Variants in MED13L observed in about 807,000 individuals in gnomAD.
MED13L encodes the protein mediator of RNA polymerase II transcription subunit 13-like.
Under a neutral mutation model 220.9 loss-of-function variants are expected in MED13L, and 7 were observed. The ratio of observed to expected loss-of-function variants is 0.03; its 90% CI spans 0.02 to 0.06. The LOEUF (loss-of-function observed/expected upper bound fraction) is 0.06. Ranked by LOEUF, MED13L falls within the 10% of genes least tolerant of loss-of-function variation. The probability of loss-of-function intolerance (pLI) is 1.00; values close to 1 mark genes in which losing one functional copy is unlikely to be tolerated. For missense variants in MED13L, 1,965 were observed against 2,760.5 expected (o/e 0.71, Z 6.46); for synonymous variants, 1,011 against 1,015.2 (o/e 1.00, Z 0.08).
chr12:116,241,988 C>A (rs1318542449), intron 1 of MED13L, among the ~76,000 whole-genome samples: 1 of 149,742 alleles, frequency 6.7e-6, no homozygotes, highest in African/African-American at 2.5e-5. Context: ...AGTAAAATGT[C>A]TTCATAGACC....
intron 2 of MED13L, among the ~76,000 whole-genome samples, chr12:116,119,600 T>C (rs1231035159): frequency 1.3e-5 from 2 of 151,764 alleles, no homozygotes; most frequent in Non-Finnish European, 2.9e-5. Context: ...CCTATCACTT[T>C]GGAAGATCAA....
At chr12:116,008,379 G>C (rs746471187) in intron 10 of MED13L, 22 bp downstream of exon 10, 1 of 1,593,108 alleles carries the variant, frequency 6.3e-7, no homozygotes, top group East Asian at 2.2e-5. Flanking sequence ...GGACGGGTGG[G>C]TGGTGCAGAG....
At chr12:115,987,061 G>C in intron 18 of MED13L, 48 bp downstream of exon 18, 1 of 1,590,752 alleles carries the variant, frequency 6.3e-7, no homozygotes, top group Non-Finnish European at 8.6e-7. Flanking sequence ...GCTCTTCACT[G>C]AACAGCACTG....
chr12:116,151,932 C>A lies in MED13L; in HGVS notation c.311-40420G>T, dbSNP rs1032844640. On this transcript the variant is annotated intron_variant, in intron 2 of 30. Coordinates refer to ENST00000281928, the MANE Select transcript of MED13L (RefSeq NM_015335.5). ...CTGGTTTGTCCAAGATTCTCAAATA[C>A]AAATTTCTGAATGCCAAATCCTACT... is the stretch of plus-strand genomic sequence containing the variant. Among the ~76,000 whole-genome samples, 58 of 152,166 alleles carry A rather than the reference C, an allele frequency of 3.8e-4. 2 individuals are homozygous for A. The highest frequency in any genetic ancestry group is 1.8e-4 in the Non-Finnish European group (12 of 68,016).
intron 3 of MED13L, among the ~76,000 whole-genome samples, chr12:116,103,960 T>C (rs1873316965): frequency 6.6e-6 from 1 of 151,342 alleles, no homozygotes; most frequent in Non-Finnish European, 1.5e-5. Flanking sequence ...GAGTATGTTA[T>C]TCTGAAATCC....
intron 30 of MED13L, among the ~76,000 whole-genome samples, chr12:115,962,454 C>G (rs1355469413): frequency 6.6e-6 from 1 of 152,136 alleles, no homozygotes; most frequent in Non-Finnish European, 1.5e-5. Context: ...GCTGTGGGGC[C>G]TGGTTCCTAA....
chr12:116,259,993 T>C (rs1223895058), intron 1 of MED13L, among the ~76,000 whole-genome samples: 5 of 151,952 alleles, frequency 3.3e-5, no homozygotes, highest in African/African-American at 1.2e-4. Context: ...TGTACAAAAA[T>C]GTGCACATTA....
chr12:116,173,413 G>A (rs1192266993), intron 2 of MED13L, among the ~76,000 whole-genome samples: 1 of 152,030 alleles, frequency 6.6e-6, no homozygotes. Context: ...CAGAGACAAA[G>A]GTAAGGACAT....
At chr12:116,212,381 G>C (rs1175162590) in intron 2 of MED13L, among the ~76,000 whole-genome samples, 1 of 152,044 alleles carries the variant, frequency 6.6e-6, no homozygotes, top group Non-Finnish European at 1.5e-5. Context: ...TTTCCTGTTT[G>C]AATAAAAGTA....
Position 115,991,887 on chromosome 12 carries a change from T to C in MED13L, c.3067A>G (p.Thr1023Ala), listed in dbSNP as rs755249944. ...CTGGCTGGGGCAGCGCTGTTCAACG[T>C]CACGGGTGTGTTCATCTGTGGTGTG... ...LNTPQMNTPVTLNSAAPASNS... is the reference protein window; with the variant it reads ...LNTPQMNTPVALNSAAPASNS... Residue 1023 changes from threonine (T) to alanine (A), a missense_variant, in exon 17 of 31, where the codon ACG becomes GCG. Transcript: ENST00000281928. This position sits in a 1 kb window ranked among gnomAD's most constrained non-coding sequence, Gnocchi z 7.7. 2 of 1,602,624 alleles carry C rather than the reference T, an allele frequency of 1.2e-6. No homozygotes were observed. Among genetic ancestry groups the C allele is most frequent in the South Asian group, 2.2e-5 (2 of 91,082 alleles).
At position 116,019,805 on chromosome 12, in the gene MED13L, A is replaced by AATC. The variant is rs767909568; in HGVS notation, c.790_792dup (p.Asp264dup). 1.2e-6 allele frequency: 2 copies of AATC among 1,614,012 alleles called. No homozygotes were observed. The highest frequency in any genetic ancestry group is 1.7e-6 in the Non-Finnish European group (2 of 1,179,920). On this transcript the variant is annotated inframe_insertion, in exon 6 of 31. Coordinates refer to ENST00000281928, the MANE Select transcript of MED13L (RefSeq NM_015335.5). Reference sequence around the variant, plus strand: ...ACAATTACTTCAACTGCCACAGGGAAATCATCATCATATCCCAACTCGTCT... The same window carrying AATC: ...ACAATTACTTCAACTGCCACAGGGAAATCATCATCATCATATCCCAACTCGTCT...
intron 4 of MED13L, among the ~76,000 whole-genome samples, chr12:116,079,517 C>T (rs753989602): frequency 6.6e-6 from 1 of 152,060 alleles, no homozygotes; most frequent in Non-Finnish European, 1.5e-5. Flanking sequence ...TGAGCTGTCG[C>T]ACCCAGCCTT....
chr12:116,136,287 G>A lies in MED13L; in HGVS notation c.311-24775C>T, dbSNP rs568612692. Among the ~76,000 whole-genome samples, 8 of 152,268 alleles carry A rather than the reference G, an allele frequency of 5.3e-5. No individual in the cohort carries two copies. The East Asian group carries it at 1.3e-3, about 26-fold the overall frequency. On this transcript the variant is annotated intron_variant, in intron 2 of 30. Coordinates refer to ENST00000281928, the MANE Select transcript of MED13L (RefSeq NM_015335.5). Reference sequence around the variant, plus strand: ...GCTATGGTCCCTTCATATCTACCATGCAAATAAGTGTTTCTCAAATTGGGG... The same window carrying A: ...GCTATGGTCCCTTCATATCTACCATACAAATAAGTGTTTCTCAAATTGGGG...
chr12:116,148,609 C>CTATATATATATATA (rs3043743), intron 2 of MED13L: 9 of 178,212 alleles, frequency 5.1e-5, no homozygotes, highest in Admixed American at 2.5e-4. Context: ...ATGGAGATAT[C>CTATATATATATATA]TATATATATA....
chr12:116,171,588 T>C (rs1362448277), intron 2 of MED13L, among the ~76,000 whole-genome samples: 9 of 152,190 alleles, frequency 5.9e-5, no homozygotes, highest in African/African-American at 1.7e-4. Flanking sequence ...CCTCTTGCAA[T>C]GGCTCCAGTT....
chr12:116,196,414 G>A (rs540398853), intron 2 of MED13L, among the ~76,000 whole-genome samples: 17 of 151,632 alleles, frequency 1.1e-4, no homozygotes, highest in African/African-American at 3.9e-4. Flanking sequence ...CCCAGTCTTC[G>A]GCTTCGGCTG....
intron 14 of MED13L, among the ~76,000 whole-genome samples, chr12:116,000,822 G>A (rs958511793): frequency 3.3e-5 from 5 of 152,004 alleles, no homozygotes; most frequent in African/African-American, 1.2e-4. Flanking sequence ...GAATAATGAG[G>A]AACCTATGCT....
chr12:116,102,703 C>CCTTTTTTTTTTTTTTTTTTTTTT (rs1873175799), intron 3 of MED13L, among the ~76,000 whole-genome samples: 1 of 63,204 alleles, frequency 1.6e-5, no homozygotes, highest in African/African-American at 5.4e-5. Flanking sequence ...TTTTCTTTTT[C>CCTTTTTTTTTTTTTTTTTTTTTT]TTTTTTCTTT....
At chr12:115,967,229 C>G (rs1434685619) in intron 28 of MED13L, among the ~76,000 whole-genome samples, 1 of 147,380 alleles carries the variant, frequency 6.8e-6, no homozygotes, top group Non-Finnish European at 1.5e-5. Flanking sequence ...TAATCTGCAG[C>G]TACTACATCA....
Sources: gnomAD v4.1 joint callset for allele counts (sites outside exome capture counted in the v4.1 genomes callset) on GRCh38, gnomAD v4.1.1 for gene constraint, Gnocchi (gnomAD v3.1) non-coding constraint, MANE v1.5 for transcripts, NCBI Gene and HGNC (gene_info 2026-07-23, HGNC 2026-07-21) for gene names.